TFDP1: variants seen among roughly 807,000 people sequenced by gnomAD.
The protein encoded by TFDP1 is transcription factor Dp-1.
Under a neutral mutation model 48.0 loss-of-function variants are expected in TFDP1, and 6 were observed. The observed-to-expected ratio is 0.13, with a 90% CI of 0.07 to 0.25. The LOEUF (loss-of-function observed/expected upper bound fraction) is 0.25. Ranked by LOEUF, TFDP1 falls within the 10% of genes least tolerant of loss-of-function variation. TFDP1 has a pLI of 1.00. For missense variants in TFDP1, 335 were observed against 543.0 expected (o/e 0.62, Z 3.81); for synonymous variants, 201 against 211.6 (o/e 0.95, Z 0.44).
Position 113,611,026 on chromosome 13 carries a change from A to C in TFDP1, c.43A>C (p.Lys15Gln), listed in dbSNP as rs964307526. 6.2e-7 allele frequency: 1 copy of C among 1,614,174 alleles called. No homozygotes were observed. The highest frequency in any genetic ancestry group is 1.3e-5 in the African/African-American group (1 of 75,044). The change falls in exon 3 of 12, where the codon AAG becomes CAG. Residue 15 changes from lysine to glutamine, a missense_variant. Lys to Gln is a moderately conservative substitution (Grantham distance 53). Transcript: ENST00000375370. ...TCTAATTGAAGCCAACGGAGAACTC[A>C]AGGTCTTCATAGACCAGAACCTTAG... ...AGLIEANGEL[K>Q]VFIDQNLSPG...
chr13:113,596,974 G>A (rs972265013), intron 2 of TFDP1, among the ~76,000 whole-genome samples: 1 of 152,198 alleles, frequency 6.6e-6, no homozygotes. Flanking sequence ...CATCCTTGTG[G>A]GTGGGCGTCA....
rs149994612 is a variant in TFDP1, at chr13:113,631,652, G to T, written c.216G>T (p.Ala72=). 6.2e-7 allele frequency: 1 copy of T among 1,614,072 alleles called. No homozygotes were observed. Among genetic ancestry groups the T allele is most frequent in the East Asian group, 2.2e-5 (1 of 44,870 alleles). The change falls in exon 5 of 12, where the codon GCG becomes GCT. Residue 72 remains alanine, a synonymous_variant. Coordinates refer to ENST00000375370, the MANE Select transcript of TFDP1 (RefSeq NM_007111.5). ...TTGGTACGCCTCAGAGACCGGCAGC[G>T]TCAAACACCCTGGTGGTAGGAAGCC... ...VVIGTPQRPA[A]SNTLVVGSPH... is the part of the protein sequence containing the mutation.
intron 2 of TFDP1, 52 bp downstream of exon 2, chr13:113,585,901 C>A: frequency 1.3e-6 from 2 of 1,573,680 alleles, no homozygotes; most frequent in Non-Finnish European, 1.7e-6. Context: ...GCACTAAATT[C>A]TTTGTAGTTC....
chr13:113,624,755 C>G (rs941117669), intron 4 of TFDP1, among the ~76,000 whole-genome samples: 1 of 148,854 alleles, frequency 6.7e-6, no homozygotes, highest in Admixed American at 6.7e-5. Context: ...CTCAGGATAT[C>G]TCTCACATGT....
chr13:113,599,165 C>T (rs779308816), intron 2 of TFDP1, among the ~76,000 whole-genome samples: 4 of 151,500 alleles, frequency 2.6e-5, no homozygotes, highest in Non-Finnish European at 5.9e-5. Context: ...ACAGTTTGTC[C>T]TAGGTTTTTT....
rs959675431 is a variant in TFDP1 at position 113,623,827 on chromosome 13, A to G, written c.186+541A>G. Among the ~76,000 whole-genome samples the G allele has an allele frequency of 1.3e-5, 2 of 152,134 alleles. No homozygotes were observed. Among genetic ancestry groups the G allele is most frequent in the African/African-American group, 4.8e-5 (2 of 41,430 alleles). The stretch of plus-strand genomic sequence containing the variant: ...TGGCGCATCCCCCCTCCCCAGGCTG[A>G]TGCTGGCCAACTGATGCTGCTTCTC... On this transcript the variant is annotated intron_variant, in intron 4 of 11. Transcript: ENST00000375370. This position sits in a 1 kb window ranked among gnomAD's most constrained non-coding sequence, Gnocchi z 5.2.
intron 2 of TFDP1, among the ~76,000 whole-genome samples, chr13:113,600,539 G>C (rs1594429012): frequency 6.9e-6 from 1 of 145,588 alleles, no homozygotes; most frequent in African/African-American, 2.6e-5. Flanking sequence ...CCCTCACGTG[G>C]GGATCCAGGA....
chr13:113,640,717 C>T lies in TFDP1; in HGVS notation c.*450C>T. ...ATAGCAAGACTCTGTGGAGTTTGTT[C>T]AGTGGTACGGTGTCCAAGCAAACAG... On this transcript the variant is annotated 3_prime_UTR_variant, in exon 12 of 12. Transcript: ENST00000375370. 1 of 228,030 alleles carries T rather than the reference C, an allele frequency of 4.4e-6. No homozygotes were observed. Among genetic ancestry groups the T allele is most frequent in the South Asian group, 5.2e-5 (1 of 19,108 alleles). 14.1% of individuals were successfully genotyped at this position (228,030 alleles called of 1,614,324 possible). A position where few individuals can be genotyped will look rare whatever the true frequency, so the allele number is the denominator to read the frequency against.
chr13:113,634,162 T>C lies in TFDP1; in HGVS notation c.618+129T>C, dbSNP rs554283272. On this transcript the variant is annotated intron_variant, in intron 7 of 11. Coordinates refer to ENST00000375370, the MANE Select transcript of TFDP1 (RefSeq NM_007111.5). ...TCTGTGTCCGGCTGGCAGACGGTCATGCAGACGTCTCCCTGCGTTTCTCAG... is the reference window on the plus strand; with the variant it reads ...TCTGTGTCCGGCTGGCAGACGGTCACGCAGACGTCTCCCTGCGTTTCTCAG... 22 of 1,299,308 alleles carry C rather than the reference T, an allele frequency of 1.7e-5. No homozygotes were observed. The South Asian group carries it at 1.9e-4, about 11-fold the overall frequency. The allele number at this position is 1,299,308 out of a possible 1,614,324, so 80.5% of individuals were successfully genotyped here. A position where few individuals can be genotyped will look rare whatever the true frequency, so the allele number is the denominator to read the frequency against.
In TFDP1 at chr13:113,601,595, G is replaced by A. The variant is rs180945725; in HGVS notation, c.13-9401G>A. 4.0e-3 allele frequency among the ~76,000 whole-genome samples: 602 copies of A among 152,342 alleles called. 7 individuals are homozygous for A. The highest frequency in any genetic ancestry group is 0.01 in the Admixed American group (155 of 15,308). On this transcript the variant is annotated intron_variant, in intron 2 of 11. Transcript: ENST00000375370. ...GGGATGGCTAGGGCCACCGGAGGTC[G>A]TCCCTGAGCTCTGGGGTTGTGTTTG...
chr13:113,617,367 T>A (rs2048883638), intron 3 of TFDP1, among the ~76,000 whole-genome samples: 1 of 152,310 alleles, frequency 6.6e-6, no homozygotes, highest in East Asian at 1.9e-4. Context: ...AACATTCTGT[T>A]GTGGCCAGTC....
At chr13:113,630,065 C>T (rs899635546) in intron 4 of TFDP1, among the ~76,000 whole-genome samples, 5 of 152,142 alleles carry the variant, frequency 3.3e-5, no homozygotes, top group Non-Finnish European at 4.4e-5. Context: ...CGTAGGAAGC[C>T]GTGCGGGGCC....
At chr13:113,609,044 C>T (rs529681061) in intron 2 of TFDP1, among the ~76,000 whole-genome samples, 1 of 152,264 alleles carries the variant, frequency 6.6e-6, no homozygotes, top group Non-Finnish European at 1.5e-5. Context: ...CAGGCACCAT[C>T]GTTGACCGCA....
chr13:113,604,374 G>A (rs1442590648), intron 2 of TFDP1, among the ~76,000 whole-genome samples: 1 of 152,136 alleles, frequency 6.6e-6, no homozygotes, highest in African/African-American at 2.4e-5. Flanking sequence ...AAACCACAGA[G>A]GCTATAATTG....
intron 7 of TFDP1, 163 bp from the exon 8 acceptor site, chr13:113,634,371 C>T (rs1410009226): frequency 3.0e-6 from 2 of 670,276 alleles, no homozygotes; most frequent in East Asian, 5.2e-5. Context: ...AAAAAACTCA[C>T]CTATATCTTG....
rs1265974966 is a variant in TFDP1, at chr13:113,623,150, C to T, written c.80-30C>T. ...TAGCCTTAACTTAGAAAAGGAGTCT[C>T]GCCCTTGACCTGGTGTCCTTGTGTT... On this transcript the variant is annotated intron_variant, in intron 3 of 11. Coordinates refer to ENST00000375370, the MANE Select transcript of TFDP1 (RefSeq NM_007111.5). The surrounding 1 kb of genome is among the most constrained non-coding windows in gnomAD (Gnocchi z 5.2). The T allele has an allele frequency of 1.4e-5, 22 of 1,588,544 alleles. No homozygotes were observed. Among genetic ancestry groups the T allele is most frequent in the African/African-American group, 8.1e-5 (6 of 74,292 alleles).
At chr13:113,600,936 A>G (rs1191460864) in intron 2 of TFDP1, among the ~76,000 whole-genome samples, 2 of 149,680 alleles carry the variant, frequency 1.3e-5, no homozygotes, top group Non-Finnish European at 3.0e-5. Flanking sequence ...CTCCAGGACC[A>G]TGAGACAGAA....
chr13:113,637,799 A>T lies in TFDP1; in HGVS notation c.1007-19A>T. 6.2e-7 allele frequency: 1 copy of T among 1,614,124 alleles called. No individual in the cohort carries two copies. The highest frequency in any genetic ancestry group is 8.5e-7 in the Non-Finnish European group (1 of 1,180,024). The stretch of plus-strand genomic sequence containing the variant: ...GTTTCTGTTTCATGACCATTCGCTT[A>T]TTTTCTTTCCCTTTTCAGAAATGGC... On this transcript the variant is annotated intron_variant, in intron 10 of 11. Coordinates refer to ENST00000375370, the MANE Select transcript of TFDP1 (RefSeq NM_007111.5).
At chr13:113,613,362 T>G (rs1236244971) in intron 3 of TFDP1, among the ~76,000 whole-genome samples, 1 of 152,224 alleles carries the variant, frequency 6.6e-6, no homozygotes, top group African/African-American at 2.4e-5. Flanking sequence ...ACGTTCATGT[T>G]TTTAAATTTT....
Sources: gnomAD v4.1 joint callset for allele counts (sites outside exome capture counted in the v4.1 genomes callset) on GRCh38, gnomAD v4.1.1 for gene constraint, Gnocchi (gnomAD v3.1) non-coding constraint, MANE v1.5 for transcripts, NCBI Gene and HGNC (gene_info 2026-07-23, HGNC 2026-07-21) for gene names.